The following FREM1 variants were observed in gnomAD, a reference collection of about 807,000 sequenced individuals.
FREM1 encodes FRAS1-related extracellular matrix protein 1.
FREM1 carries 220 observed loss-of-function variants against 210.1 expected under a neutral mutation model. That is an observed-to-expected ratio of 1.05 (90% CI 0.94 to 1.17). The LOEUF is 1.17. FREM1 is among the 50% of genes most tolerant of loss of function. The pLI, the probability that FREM1 is intolerant of heterozygous loss-of-function variation, is 0.00. For missense variants in FREM1, 3,454 were observed against 2,675.5 expected, an observed-to-expected ratio of 1.29 and a Z score of -6.42; for synonymous variants, 1,189 against 980.2, an observed-to-expected ratio of 1.21 and a Z score of -3.98.
At chr9:14,857,890 T>A in intron 4 of FREM1, 141 bp from the exon 5 acceptor site, 1 of 530,964 alleles carries the variant, frequency 1.9e-6, no homozygotes, top group Non-Finnish European at 3.1e-6. Context: ...ATTCACTGAG[T>A]GGGTTGTCAT....
At chr9:14,814,608 T>C (rs200754877) in intron 15 of FREM1, among the ~76,000 whole-genome samples, 2 of 152,208 alleles carry the variant, frequency 1.3e-5, no homozygotes, top group South Asian at 2.1e-4. Context: ...GAAAAAACCA[T>C]CTTTGTTCAA....
chr9:14,746,572 G>T, intron 34 of FREM1, 104 bp from the exon 35 acceptor site: 1 of 872,662 alleles, frequency 1.1e-6, no homozygotes, highest in Non-Finnish European at 1.9e-6. Flanking sequence ...CAAGTAGTTT[G>T]GTTACCACAA....
intron 10 of FREM1, among the ~76,000 whole-genome samples, chr9:14,840,006 G>A (rs1825366981): frequency 6.6e-6 from 1 of 152,204 alleles, no homozygotes; most frequent in African/African-American, 2.4e-5. Flanking sequence ...CAGATGAACT[G>A]AGTTTTCTCA....
intron 1 of FREM1, among the ~76,000 whole-genome samples, chr9:14,885,576 A>G (rs750563998): frequency 6.6e-6 from 1 of 151,942 alleles, no homozygotes; most frequent in Non-Finnish European, 1.5e-5. Flanking sequence ...GCACCACCAC[A>G]TCTGGCTAAT....
chr9:14,739,946 G>C (rs957842820), intron 36 of FREM1, among the ~76,000 whole-genome samples: 6 of 151,856 alleles, frequency 4.0e-5, no homozygotes, highest in Non-Finnish European at 8.8e-5. Context: ...TATTTCTTTG[G>C]GATAGATGTC....
chr9:14,798,720 C>A (rs1252024611), intron 20 of FREM1, among the ~76,000 whole-genome samples: 1 of 152,086 alleles, frequency 6.6e-6, no homozygotes, highest in Admixed American at 6.5e-5. Flanking sequence ...GTCACCCAGG[C>A]TGGAATGCAG....
chr9:14,829,484 G>C (rs1218197369), intron 10 of FREM1, among the ~76,000 whole-genome samples: 1 of 152,108 alleles, frequency 6.6e-6, no homozygotes. Context: ...ACAGTGTTTA[G>C]AGGAGGGGCC....
At chr9:14,898,500 G>A (rs577915530) in intron 1 of FREM1, among the ~76,000 whole-genome samples, 17 of 152,304 alleles carry the variant, frequency 1.1e-4, no homozygotes, top group African/African-American at 3.8e-4. Context: ...CCAGCATTTT[G>A]GGAGGCTGAG....
At chr9:14,870,193 T>A (rs1832340059) in intron 1 of FREM1, among the ~76,000 whole-genome samples, 1 of 152,242 alleles carries the variant, frequency 6.6e-6, no homozygotes, top group Admixed American at 6.5e-5. Context: ...CCAAAATGAA[T>A]GTTTGTCAGA....
At chr9:14,906,360 A>T (rs1298382528) in intron 1 of FREM1, among the ~76,000 whole-genome samples, 1 of 152,206 alleles carries the variant, frequency 6.6e-6, no homozygotes, top group Non-Finnish European at 1.5e-5. Context: ...TTCTGGTTTT[A>T]AAACAATCAC....
chr9:14,906,547 G>A (rs148313108), intron 1 of FREM1, among the ~76,000 whole-genome samples: 11 of 152,282 alleles, frequency 7.2e-5, no homozygotes, highest in African/African-American at 2.2e-4. Context: ...GATAGGAAAC[G>A]CCTAACAAAT....
chr9:14,794,517 A>G (rs1292491465), intron 21 of FREM1, among the ~76,000 whole-genome samples: 2 of 152,188 alleles, frequency 1.3e-5, no homozygotes, highest in African/African-American at 4.8e-5. Context: ...AAATTCCACC[A>G]CGATCAGGAC....
At chr9:14,740,286 C>G in intron 35 of FREM1, 52 bp from the exon 36 acceptor site, 1 of 1,301,066 alleles carries the variant, frequency 7.7e-7, no homozygotes, top group Non-Finnish European at 1.1e-6. Context: ...AACATTTCTG[C>G]TGATACGAAA....
intron 1 of FREM1, among the ~76,000 whole-genome samples, chr9:14,907,501 A>C (rs1379947152): frequency 1.3e-5 from 2 of 152,170 alleles, no homozygotes; most frequent in East Asian, 1.9e-4. Context: ...AGCCCTGTTC[A>C]GACCACCCAG....
intron 1 of FREM1, among the ~76,000 whole-genome samples, chr9:14,893,862 TTG>T (rs1268120840): frequency 6.6e-6 from 1 of 152,162 alleles, no homozygotes; most frequent in Non-Finnish European, 1.5e-5. Flanking sequence ...GTAAAAGAGA[TTG>T]TGTGTGTGAA....
rs1159703717 is a variant in FREM1 at position 14,854,000 on chromosome 9, T to C, written c.829-2393A>G. On this transcript the variant is annotated intron_variant, in intron 5 of 36. Coordinates refer to ENST00000380880, the MANE Select transcript of FREM1 (RefSeq NM_001379081.2). The stretch of plus-strand genomic sequence containing the variant: ...CTTGTAATAAAGTATAACAATCATA[T>C]GCTAGAACTGAAATTGCAAATTATA... Among the ~76,000 whole-genome samples the C allele has an allele frequency of 3.3e-5, 5 of 152,170 alleles. 1 individual carries two copies. Among genetic ancestry groups the C allele is most frequent in the Non-Finnish European group, 5.9e-5 (4 of 68,036 alleles).
At chr9:14,873,076 T>A (rs1275877175) in intron 1 of FREM1, among the ~76,000 whole-genome samples, 4 of 152,186 alleles carry the variant, frequency 2.6e-5, no homozygotes, top group Admixed American at 6.5e-5. Context: ...TTTGCCAGTA[T>A]CTTATTGAGG....
intron 21 of FREM1, among the ~76,000 whole-genome samples, chr9:14,797,073 C>T (rs79270239): frequency 0.019 from 2,865 of 152,272 alleles, 57 homozygotes; most frequent in South Asian, 0.05. Flanking sequence ...CCCTCCGCCA[C>T]GCTTAGTTAC....
At chr9:14,751,998 A>G (rs984567804) in intron 29 of FREM1, 1 of 150,312 alleles carries the variant, frequency 6.7e-6, no homozygotes, top group African/African-American at 2.5e-5. Flanking sequence ...AAGTTGAAGC[A>G]TCTAGTATGT....
Sources: gnomAD v4.1 joint callset for allele counts (sites outside exome capture counted in the v4.1 genomes callset) on GRCh38, gnomAD v4.1.1 for gene constraint, MANE v1.5 for transcripts, NCBI Gene and HGNC (gene_info 2026-07-23, HGNC 2026-07-21) for gene names.